LIPC: variants seen among roughly 807,000 people sequenced by gnomAD.
LIPC encodes lipase C, hepatic type, also known as hepatic triacylglycerol lipase.
Under a neutral mutation model 50.7 loss-of-function variants are expected in LIPC, and 44 were observed. The observed-to-expected ratio is 0.87, with a 90% CI of 0.68 to 1.11. The LOEUF is 1.11. LIPC is among the 50% of genes most tolerant of loss of function. The pLI is 0.00. For synonymous variants in LIPC, 271 were observed against 256.4 expected (o/e 1.06, Z -0.54); for missense variants, 697 against 648.2 (o/e 1.08, Z -0.82).
intron 1 of LIPC, among the ~76,000 whole-genome samples, chr15:58,468,814 T>C (rs542183183): frequency 6.6e-6 from 1 of 152,292 alleles, no homozygotes; most frequent in African/African-American, 2.4e-5. Flanking sequence ...GCTGGTAATA[T>C]TTTTAATTCA....
intron 1 of LIPC, among the ~76,000 whole-genome samples, chr15:58,470,290 G>A (rs143522979): frequency 6.3e-4 from 96 of 152,204 alleles, no homozygotes; most frequent in African/African-American, 2.1e-3. Context: ...AGAGAAGAGG[G>A]TGTTTCCTAT....
At chr15:58,566,699 G>A (rs1193402952) in intron 8 of LIPC, among the ~76,000 whole-genome samples, 1 of 152,164 alleles carries the variant, frequency 6.6e-6, no homozygotes, top group African/African-American at 2.4e-5. Context: ...TGAAGAGAAA[G>A]AGAAGAAATT....
Position 58,545,730 on chromosome 15 carries a change from CT to C in LIPC, c.575-9del. On this transcript the variant is annotated splice_polypyrimidine_tract_variant and intron_variant, in intron 4 of 8. Transcript: ENST00000299022. ...TGCTCCTGCGTAACCCTTACCCCTG[CT>C]TTCCCATTAGGGCTGGATGCCGCGG... The C allele has an allele frequency of 1.2e-6, 2 of 1,612,728 alleles. 1 individual carries two copies. The highest frequency in any genetic ancestry group is 2.2e-5 in the South Asian group (2 of 91,074).
chr15:58,490,063 A>C (rs779259521), intron 1 of LIPC, among the ~76,000 whole-genome samples: 61 of 152,196 alleles, frequency 4.0e-4, no homozygotes, highest in Non-Finnish European at 6.9e-4. Context: ...GCAATACTTA[A>C]TTTTGTTTTT....
chr15:58,520,254 T>A (rs1317835643), intron 1 of LIPC, among the ~76,000 whole-genome samples: 6 of 152,090 alleles, frequency 3.9e-5, no homozygotes, highest in African/African-American at 1.4e-4. Flanking sequence ...CAATTTTGTT[T>A]GGGTTGAAAC....
At chr15:58,566,297 G>A (rs752964875) in intron 8 of LIPC, 109 of 985,340 alleles carry the variant, frequency 1.1e-4, no homozygotes, top group Non-Finnish European at 1.3e-4. Flanking sequence ...GAGACAGGCA[G>A]CCGGCAAAGC....
At chr15:58,500,736 C>T (rs1891955420) in intron 1 of LIPC, among the ~76,000 whole-genome samples, 1 of 134,514 alleles carries the variant, frequency 7.4e-6, no homozygotes, top group African/African-American at 2.7e-5. Flanking sequence ...TCTTCTCCCC[C>T]CACCACCCCC....
intron 1 of LIPC, among the ~76,000 whole-genome samples, chr15:58,499,833 G>T (rs1202394716): frequency 2.0e-5 from 3 of 152,192 alleles, no homozygotes; most frequent in Non-Finnish European, 4.4e-5. Context: ...ACTGTGTCCT[G>T]GGGAGGAGGT....
chr15:58,546,581 C>T (rs1448148903), intron 5 of LIPC, among the ~76,000 whole-genome samples: 3 of 152,042 alleles, frequency 2.0e-5, no homozygotes, highest in African/African-American at 7.3e-5. Context: ...GTCCTAAAAC[C>T]GAAATATTAA....
chr15:58,555,597 A>T (rs1217499163), intron 6 of LIPC, among the ~76,000 whole-genome samples: 1 of 152,232 alleles, frequency 6.6e-6, no homozygotes, highest in East Asian at 1.9e-4. Flanking sequence ...ATTCACCAGG[A>T]TAATTAACAC....
chr15:58,448,061 A>G (rs1893764818), intron 1 of LIPC, among the ~76,000 whole-genome samples: 3 of 152,306 alleles, frequency 2.0e-5, no homozygotes, highest in South Asian at 4.1e-4. Flanking sequence ...TGTTTCTGGT[A>G]ATGTGTATTC....
At chr15:58,488,001 G>A (rs538615315) in intron 1 of LIPC, among the ~76,000 whole-genome samples, 66 of 152,340 alleles carry the variant, frequency 4.3e-4, no homozygotes, top group Non-Finnish European at 8.4e-4. Flanking sequence ...GCCAGGCACG[G>A]TAGCTCACAC....
chr15:58,464,134 G>A (rs895944900), intron 1 of LIPC, among the ~76,000 whole-genome samples: 4 of 152,082 alleles, frequency 2.6e-5, no homozygotes, highest in South Asian at 4.2e-4. Flanking sequence ...GATAAAAGGA[G>A]CATGCACCTG....
intron 1 of LIPC, among the ~76,000 whole-genome samples, chr15:58,476,094 C>T (rs1203342287): frequency 6.6e-6 from 1 of 152,240 alleles, no homozygotes; most frequent in Non-Finnish European, 1.5e-5. Context: ...GAGAGCAGTC[C>T]TGTTTGTCCC....
At chr15:58,566,231 G>A (rs1293351198) in intron 8 of LIPC, 9 of 985,282 alleles carry the variant, frequency 9.1e-6, no homozygotes, top group East Asian at 1.1e-4. Context: ...GTTCAGACCC[G>A]TACACTTGGG....
At chr15:58,466,302 AG>A (rs1212861694) in intron 1 of LIPC, among the ~76,000 whole-genome samples, 1 of 152,216 alleles carries the variant, frequency 6.6e-6, no homozygotes, top group Non-Finnish European at 1.5e-5. Context: ...AGAAGTAAAA[AG>A]GTTCTGGAAA....
intron 1 of LIPC, among the ~76,000 whole-genome samples, chr15:58,474,105 C>T (rs1301769701): frequency 6.6e-6 from 1 of 152,234 alleles, no homozygotes; most frequent in African/African-American, 2.4e-5. Context: ...AATCATCAAG[C>T]AACCAACCCT....
intron 1 of LIPC, among the ~76,000 whole-genome samples, chr15:58,517,812 G>A (rs1160045158): frequency 6.6e-6 from 1 of 152,212 alleles, no homozygotes; most frequent in Non-Finnish European, 1.5e-5. Flanking sequence ...ATTCTCACTT[G>A]TGATTCTGAC....
chr15:58,519,140 G>A (rs1333391207), intron 1 of LIPC, among the ~76,000 whole-genome samples: 1 of 152,072 alleles, frequency 6.6e-6, no homozygotes, highest in East Asian at 1.9e-4. Context: ...CAAGCGCAGT[G>A]GCTCACGCCT....
Sources: allele counts gnomAD v4.1 joint callset (sites outside exome capture counted in the v4.1 genomes callset), GRCh38; gene constraint gnomAD v4.1.1; transcripts MANE v1.5; gene names NCBI Gene and HGNC (gene_info 2026-07-23, HGNC 2026-07-21).